The following PDE4D variants were observed in gnomAD, a reference collection of about 807,000 sequenced individuals.
PDE4D encodes the protein 3',5'-cyclic-AMP phosphodiesterase 4D.
Under a neutral mutation model 87.4 loss-of-function variants are expected in PDE4D, and 24 were observed. The ratio of observed to expected loss-of-function variants is 0.27; its 90% CI spans 0.20 to 0.39. PDE4D has a LOEUF of 0.39. PDE4D is among the 10% of genes least tolerant of loss of function. The probability of loss-of-function intolerance (pLI) is 1.00; values close to 1 mark genes in which losing one functional copy is unlikely to be tolerated. For missense variants in PDE4D, 714 were observed against 1,041.0 expected, an observed-to-expected ratio of 0.69 and a Z score of 4.32; for synonymous variants, 384 against 383.2, an observed-to-expected ratio of 1.00 and a Z score of -0.02.
chr5:59,823,615 T>G (rs1769966190), intron 1 of PDE4D, among the ~76,000 whole-genome samples: 1 of 151,902 alleles, frequency 6.6e-6, no homozygotes, highest in Non-Finnish European at 1.5e-5. Context: ...GATAGAGAGG[T>G]CTTTCTAAAA....
At chr5:60,317,294 T>G (rs185703052) in intron 1 of PDE4D, among the ~76,000 whole-genome samples, 3 of 152,332 alleles carry the variant, frequency 2.0e-5, no homozygotes, top group Admixed American at 2.0e-4. Flanking sequence ...TATAGTATTC[T>G]CTAACGGTAG....
intron 5 of PDE4D, among the ~76,000 whole-genome samples, chr5:59,178,732 C>T (rs1002588544): frequency 1.3e-5 from 2 of 152,192 alleles, no homozygotes; most frequent in Admixed American, 6.5e-5. Flanking sequence ...GAGGCCAGCT[C>T]ATATGTGACC....
chr5:59,193,380 G>T (rs1004775129), intron 3 of PDE4D, 120 bp downstream of exon 3: 5 of 966,126 alleles, frequency 5.2e-6, no homozygotes, highest in East Asian at 2.6e-5. Context: ...AATGAACCAA[G>T]AATTTGTATT....
intron 3 of PDE4D, among the ~76,000 whole-genome samples, chr5:59,950,778 C>T (rs1758210258): frequency 1.3e-5 from 2 of 151,986 alleles, no homozygotes; most frequent in African/African-American, 4.8e-5. Flanking sequence ...GGTTTTATTA[C>T]TGTTTTTAAT....
At chr5:60,068,200 C>A (rs908492425) in intron 2 of PDE4D, among the ~76,000 whole-genome samples, 5 of 152,146 alleles carry the variant, frequency 3.3e-5, no homozygotes, top group Admixed American at 6.6e-5. Flanking sequence ...GCAAGGGTTC[C>A]AATTTCTGTA....
intron 1 of PDE4D, among the ~76,000 whole-genome samples, chr5:59,341,857 C>T (rs1778792087): frequency 1.3e-5 from 2 of 152,246 alleles, no homozygotes; most frequent in South Asian, 4.1e-4. Context: ...AATGTATAGC[C>T]TATTCTTGTG....
chr5:60,279,382 A>G (rs544815417), intron 1 of PDE4D, among the ~76,000 whole-genome samples: 1 of 152,292 alleles, frequency 6.6e-6, no homozygotes, highest in South Asian at 2.1e-4. Flanking sequence ...GAGCTCAGTG[A>G]TGATAAAACT....
At chr5:59,883,482 A>T (rs1246931648) in intron 1 of PDE4D, among the ~76,000 whole-genome samples, 1 of 152,206 alleles carries the variant, frequency 6.6e-6, no homozygotes, top group African/African-American at 2.4e-5. Flanking sequence ...TTTTCAATGA[A>T]TGGAACTTAG....
At chr5:60,168,591 C>T (rs1783141062) in intron 2 of PDE4D, among the ~76,000 whole-genome samples, 1 of 152,120 alleles carries the variant, frequency 6.6e-6, no homozygotes, top group Non-Finnish European at 1.5e-5. Context: ...CAGTGAATAC[C>T]ACGGATGCTC....
At chr5:59,438,719 G>A (rs1043084468) in intron 1 of PDE4D, among the ~76,000 whole-genome samples, 11 of 152,094 alleles carry the variant, frequency 7.2e-5, no homozygotes, top group Non-Finnish European at 1.6e-4. Flanking sequence ...GGCAAAGACT[G>A]AGGCTTACTC....
At position 59,813,485 on chromosome 5, in the gene PDE4D, T is replaced by C. The variant is rs745567883; in HGVS notation, c.455+79683A>G. On this transcript the variant is annotated intron_variant, in intron 1 of 14. Coordinates refer to ENST00000340635, the MANE Select transcript of PDE4D (RefSeq NM_001104631.2). Reference sequence around the variant, plus strand: ...ACACACACACACACACACACACATATGCCTGTCATTGGTTACCTTTCCCCC... The same window carrying C: ...ACACACACACACACACACACACATACGCCTGTCATTGGTTACCTTTCCCCC... 1.2e-3 allele frequency among the ~76,000 whole-genome samples: 176 copies of C among 147,858 alleles called. 1 individual carries two copies. The highest frequency in any genetic ancestry group is 3.6e-3 in the South Asian group (17 of 4,664).
chr5:59,771,365 TTATACTAAAAATGA>T (rs1725139930), intron 1 of PDE4D, among the ~76,000 whole-genome samples: 1 of 142,756 alleles, frequency 7.0e-6, no homozygotes, highest in African/African-American at 2.6e-5. Flanking sequence ...AAGGAAGAGA[TTATACTAAAAATGA>T]TATGGGCGAC....
chr5:59,416,388 T>C lies in PDE4D; in HGVS notation c.456-200420A>G, dbSNP rs868188619. ...ATTCAGGATCTGGGTGTAGCCTGTA[T>C]GCCTGAATTTTTTTCCATGGGGGTT... On this transcript the variant is annotated intron_variant, in intron 1 of 14. Transcript: ENST00000340635. Among the ~76,000 whole-genome samples the C allele has an allele frequency of 5.9e-5, 9 of 152,146 alleles. 1 individual carries two copies. Among genetic ancestry groups the C allele is most frequent in the Admixed American group, 2.0e-4 (3 of 15,264 alleles).
chr5:59,415,042 G>A (rs1471309771), intron 1 of PDE4D, among the ~76,000 whole-genome samples: 1 of 152,212 alleles, frequency 6.6e-6, no homozygotes, highest in South Asian at 2.1e-4. Flanking sequence ...GATGGCTAGA[G>A]TCTGGAGACT....
At chr5:59,494,180 G>C (rs1806719352) in intron 1 of PDE4D, among the ~76,000 whole-genome samples, 1 of 152,154 alleles carries the variant, frequency 6.6e-6, no homozygotes, top group Non-Finnish European at 1.5e-5. Flanking sequence ...CAGACCACTG[G>C]CAGGAAGGAA....
intron 2 of PDE4D, among the ~76,000 whole-genome samples, chr5:60,173,239 T>C (rs1378961202): frequency 1.1e-4 from 1 of 9,272 alleles, no homozygotes; most frequent in Non-Finnish European, 2.0e-4. Flanking sequence ...GGATTCACCA[T>C]TACTAGTTGT....
At chr5:59,594,117 C>T (rs1826298230) in intron 1 of PDE4D, among the ~76,000 whole-genome samples, 1 of 149,212 alleles carries the variant, frequency 6.7e-6, no homozygotes, top group African/African-American at 2.5e-5. Context: ...AATTCCAGCC[C>T]ACGTTAGCCA....
intron 6 of PDE4D, among the ~76,000 whole-genome samples, chr5:59,024,422 C>G (rs972010432): frequency 6.6e-6 from 1 of 151,534 alleles, no homozygotes; most frequent in African/African-American, 2.4e-5. Flanking sequence ...TAGTCTCTAA[C>G]TCCTGACCGC....
intron 1 of PDE4D, among the ~76,000 whole-genome samples, chr5:59,668,897 GAAGAAGAAGAAGAAGAAGAAGAAGA>G (rs1475967336): frequency 0.012 from 916 of 79,004 alleles, 72 homozygotes; most frequent in African/African-American, 0.041. Context: ...AGAAGAAGAA[GAAGAAGAAGAAGAAGAAGAAGAAGA>G]AAGAAAGAAA....
Sources: allele counts gnomAD v4.1 joint callset (sites outside exome capture counted in the v4.1 genomes callset), GRCh38; gene constraint gnomAD v4.1.1; transcripts MANE v1.5; gene names NCBI Gene and HGNC (gene_info 2026-07-23, HGNC 2026-07-21).